The following LRRTM4 variants were observed in gnomAD, a reference collection of about 807,000 sequenced individuals.
The protein encoded by LRRTM4 is leucine rich repeat transmembrane neuronal 4, also known as leucine-rich repeat transmembrane neuronal protein 4.
LRRTM4 carries 25 observed loss-of-function variants against 47.6 expected under a neutral mutation model. That is an observed-to-expected ratio of 0.53 (90% CI 0.38 to 0.73). LRRTM4 has a LOEUF of 0.73. Among genes scored for constraint, LRRTM4 ranks in the 30% least tolerant of loss-of-function variants. LRRTM4 has a pLI of 0.00. For missense variants in LRRTM4, 638 were observed against 713.4 expected (o/e 0.89, Z 1.20); for synonymous variants, 311 against 269.5 (o/e 1.15, Z -1.51).
At chr2:77,151,447 TA>T (rs981012188) in intron 3 of LRRTM4, among the ~76,000 whole-genome samples, 2 of 152,204 alleles carry the variant, frequency 1.3e-5, no homozygotes, top group African/African-American at 4.8e-5. Flanking sequence ...CTTTTGGTTA[TA>T]TTTCCAAAAA....
chr2:77,187,002 T>G (rs975296702), intron 3 of LRRTM4, among the ~76,000 whole-genome samples: 9 of 152,112 alleles, frequency 5.9e-5, no homozygotes, highest in African/African-American at 1.4e-4. Flanking sequence ...AGGACATGGA[T>G]TTTTCCATTA....
rs77224327 is a variant in LRRTM4 at position 76,920,080 on chromosome 2, G to A, written c.1552-171164C>T. 6.3e-3 allele frequency among the ~76,000 whole-genome samples: 964 copies of A among 152,112 alleles called. 6 individuals are homozygous for A. Among genetic ancestry groups the A allele is most frequent in the Non-Finnish European group, 9.6e-3 (653 of 67,998 alleles). ...TGAATTTCAGATAGTTTTCCAATGA[G>A]ATTTTGCCATATAATTCTTTTAAAA... On this transcript the variant is annotated intron_variant, in intron 3 of 3. Transcript: ENST00000409884.
At chr2:77,455,414 C>G (rs1384348540) in intron 3 of LRRTM4, among the ~76,000 whole-genome samples, 1 of 151,628 alleles carries the variant, frequency 6.6e-6, no homozygotes, top group Non-Finnish European at 1.5e-5. Context: ...CCCTTTTTGC[C>G]AAGATAACCT....
At chr2:77,096,934 C>A (rs1670828297) in intron 3 of LRRTM4, among the ~76,000 whole-genome samples, 2 of 151,702 alleles carry the variant, frequency 1.3e-5, no homozygotes, top group African/African-American at 4.8e-5. Flanking sequence ...ATTTTTCAAG[C>A]TCCATTCAAA....
At chr2:76,975,209 T>C (rs111732501) in intron 3 of LRRTM4, among the ~76,000 whole-genome samples, 2 of 151,784 alleles carry the variant, frequency 1.3e-5, no homozygotes, top group African/African-American at 4.8e-5. Flanking sequence ...AGTTTCTTTT[T>C]TTCTCATAGT....
At position 77,035,699 on chromosome 2, in the gene LRRTM4, T is replaced by C. The variant is rs1478997621; in HGVS notation, c.1552-286783A>G. On this transcript the variant is annotated intron_variant, in intron 3 of 3. Coordinates refer to ENST00000409884, the MANE Select transcript of LRRTM4 (RefSeq NM_001134745.3). ...CATAATTCTCTGGACATCTAGGCTG[T>C]TGCATGCATCAATAGTCCCTTTTAT... 1.1e-4 allele frequency among the ~76,000 whole-genome samples: 17 copies of C among 151,856 alleles called. 1 individual carries two copies. The Admixed American group carries it at 1.1e-3, about 10-fold the overall frequency.
intron 3 of LRRTM4, among the ~76,000 whole-genome samples, chr2:76,974,155 CATATATATATAT>C (rs67575216): frequency 1.6e-5 from 2 of 128,302 alleles, no homozygotes; most frequent in African/African-American, 6.3e-5. Context: ...TATATACATA[CATATATATATAT>C]ACATACATAT....
chr2:77,213,802 C>T (rs1404337901), intron 3 of LRRTM4, among the ~76,000 whole-genome samples: 5 of 152,104 alleles, frequency 3.3e-5, no homozygotes, highest in East Asian at 3.9e-4. Context: ...AGCCTTGGGA[C>T]GGTGTAATTG....
At chr2:76,829,853 G>C (rs115905622) in intron 3 of LRRTM4, among the ~76,000 whole-genome samples, 2,649 of 152,050 alleles carry the variant, frequency 0.017, 87 homozygotes, top group African/African-American at 0.06. Flanking sequence ...AATCATAACC[G>C]TCACTTAGAC....
chr2:77,476,692 G>A (rs1239251873), intron 3 of LRRTM4, among the ~76,000 whole-genome samples: 1 of 152,124 alleles, frequency 6.6e-6, no homozygotes, highest in African/African-American at 2.4e-5. Flanking sequence ...CAATTGTTAT[G>A]CTAAAGCGAG....
chr2:77,279,020 T>C (rs1204150350), intron 3 of LRRTM4, among the ~76,000 whole-genome samples: 1 of 151,994 alleles, frequency 6.6e-6, no homozygotes, highest in Non-Finnish European at 1.5e-5. Flanking sequence ...TGCATGCCTT[T>C]GGAGATTGTT....
At chr2:76,879,733 G>A (rs533341221) in intron 3 of LRRTM4, among the ~76,000 whole-genome samples, 2 of 152,198 alleles carry the variant, frequency 1.3e-5, no homozygotes, top group South Asian at 4.1e-4. Flanking sequence ...AACAGATCTG[G>A]GCAAAGTAAA....
chr2:77,025,385 TGGA>T (rs1461625934), intron 3 of LRRTM4, among the ~76,000 whole-genome samples: 1 of 152,162 alleles, frequency 6.6e-6, no homozygotes, highest in African/African-American at 2.4e-5. Flanking sequence ...GGAAAAATCT[TGGA>T]GGAGGTCTTG....
chr2:76,895,309 G>A (rs965217477), intron 3 of LRRTM4, among the ~76,000 whole-genome samples: 11 of 151,996 alleles, frequency 7.2e-5, no homozygotes, highest in African/African-American at 2.7e-4. Flanking sequence ...ACTAGTGAGT[G>A]TACTCTCCAA....
rs573922076 is a variant in LRRTM4, at chr2:76,796,500, T to TCCCTGAC, written c.1552-47591_1552-47585dup. Among the ~76,000 whole-genome samples, 76 of 130,794 alleles carry TCCCTGAC rather than the reference T, an allele frequency of 5.8e-4. 2 individuals are homozygous for TCCCTGAC. In the South Asian group the frequency reaches 9.6e-3, roughly 17 times the overall value. 85.8% of individuals were successfully genotyped at this position (130,794 alleles called of 152,430 possible). On this transcript the variant is annotated intron_variant, in intron 3 of 3. Transcript: ENST00000409884. Reference sequence around the variant, plus strand: ...TGGGCAGACTGCCTCCTCAAGTGGGTCCCTGACCCCAGAACACCCTAACTG... The same window carrying TCCCTGAC: ...TGGGCAGACTGCCTCCTCAAGTGGGTCCCTGACCCCTGACCCCAGAACACCCTAACTG...
At position 76,934,633 on chromosome 2, in the gene LRRTM4, C is replaced by T. The variant is rs374843694; in HGVS notation, c.1552-185717G>A. Among the ~76,000 whole-genome samples the T allele has an allele frequency of 1.1e-4, 17 of 152,232 alleles. No homozygotes were observed. In the East Asian group the frequency reaches 1.7e-3, roughly 16 times the overall value. ...CGTGGCCAATTTCAAGGTATCAGTACGATGTCCCTGAACATGGAGCTGGGA... is the reference window on the plus strand; with the variant it reads ...CGTGGCCAATTTCAAGGTATCAGTATGATGTCCCTGAACATGGAGCTGGGA... On this transcript the variant is annotated intron_variant, in intron 3 of 3. Coordinates refer to ENST00000409884, the MANE Select transcript of LRRTM4 (RefSeq NM_001134745.3).
chr2:77,283,502 C>CA (rs1311520610), intron 3 of LRRTM4, among the ~76,000 whole-genome samples: 1 of 151,748 alleles, frequency 6.6e-6, no homozygotes, highest in Non-Finnish European at 1.5e-5. Flanking sequence ...ATGTTCCTAC[C>CA]AAAAAAATAC....
chr2:77,458,674 C>T lies in LRRTM4; in HGVS notation c.1551+59644G>A, dbSNP rs555335832. ...CACCTTGTATCTAGGCAGGTTTTTC[C>T]TTCCTTGCAGAGGTTCGGTGGATGG... is the stretch of plus-strand genomic sequence containing the variant. On this transcript the variant is annotated intron_variant, in intron 3 of 3. Transcript: ENST00000409884. Among the ~76,000 whole-genome samples the T allele has an allele frequency of 2.6e-5, 4 of 151,818 alleles. No individual in the cohort carries two copies. In the East Asian group the frequency reaches 7.7e-4, roughly 29 times the overall value.
chr2:77,084,983 G>C (rs1370516753), intron 3 of LRRTM4, among the ~76,000 whole-genome samples: 1 of 152,070 alleles, frequency 6.6e-6, no homozygotes. Flanking sequence ...TGTTACTTTT[G>C]TTATGTGAAA....
Sources: allele counts gnomAD v4.1 joint callset (sites outside exome capture counted in the v4.1 genomes callset), GRCh38; gene constraint gnomAD v4.1.1; transcripts MANE v1.5; gene names NCBI Gene and HGNC (gene_info 2026-07-23, HGNC 2026-07-21).